RAB2B: variants seen among roughly 807,000 people sequenced by gnomAD.
RAB2B encodes the protein ras-related protein Rab-2B.
In RAB2B, 20 loss-of-function variants were observed where a neutral mutation model predicts 29.8. The ratio of observed to expected loss-of-function variants is 0.67; its 90% CI spans 0.47 to 0.97. The LOEUF (loss-of-function observed/expected upper bound fraction) is 0.97, where lower values mean the gene tolerates loss of function less well. Among genes scored for constraint, RAB2B ranks in the 50% least tolerant of loss-of-function variants. The pLI is 0.00. For synonymous variants in RAB2B, 93 were observed against 91.7 expected (o/e 1.01, Z -0.08); for missense variants, 218 against 272.0 (o/e 0.80, Z 1.40).
intron 3 of RAB2B, among the ~76,000 whole-genome samples, chr14:21,472,514 C>A (rs1383118893): frequency 6.6e-6 from 1 of 152,020 alleles, no homozygotes; most frequent in Non-Finnish European, 1.5e-5. Context: ...ACCCAAAAGG[C>A]GACAGACTAG....
chr14:21,466,353 G>A (rs1054864888), intron 5 of RAB2B, among the ~76,000 whole-genome samples: 1 of 152,162 alleles, frequency 6.6e-6, no homozygotes. Flanking sequence ...TGGGCTTGGT[G>A]GCACATGCCT....
chr14:21,461,068 A>G lies in RAB2B; in HGVS notation c.*128T>C. On this transcript the variant is annotated 3_prime_UTR_variant, in exon 8 of 8. Transcript: ENST00000397762. The stretch of plus-strand genomic sequence containing the variant: ...GGGCCCAAATTCTCTCCTGGTCTTT[A>G]GGTGGAAAGGCAAAACATCACACTT... 1 of 675,972 alleles carries G rather than the reference A, an allele frequency of 1.5e-6. No homozygotes were observed. The allele number at this position is 675,972 out of a possible 1,614,324, so 41.9% of individuals were successfully genotyped here.
At chr14:21,468,805 C>G in intron 3 of RAB2B, 53 bp from the exon 4 acceptor site, 1 of 1,281,788 alleles carries the variant, frequency 7.8e-7, no homozygotes, top group Non-Finnish European at 1.1e-6. Flanking sequence ...GTTATTTCCA[C>G]AGAACCGACT....
In RAB2B at chr14:21,459,055, A is replaced by T. The variant is rs1320019699; in HGVS notation, c.*2141T>A. ...ACATGCATATATTTAATAATGAAAC[A>T]ATTCATCAACAGCAAAAAGAAAGTA... On this transcript the variant is annotated 3_prime_UTR_variant, in exon 8 of 8. Coordinates refer to ENST00000397762, the MANE Select transcript of RAB2B (RefSeq NM_032846.4). 1 of 152,646 alleles carries T rather than the reference A, an allele frequency of 6.6e-6. No individual in the cohort carries two copies. Among genetic ancestry groups the T allele is most frequent in the Non-Finnish European group, 1.5e-5 (1 of 68,050 alleles). The allele number at this position is 152,646 out of a possible 1,614,324, so 9.5% of individuals were successfully genotyped here. A position where few individuals can be genotyped will look rare whatever the true frequency, so the allele number is the denominator to read the frequency against.
At chr14:21,471,875 C>T (rs1263123262) in intron 3 of RAB2B, among the ~76,000 whole-genome samples, 1 of 151,812 alleles carries the variant, frequency 6.6e-6, no homozygotes, top group African/African-American at 2.4e-5. Flanking sequence ...GGGGTTTCAC[C>T]ATGTTGGCCA....
chr14:21,469,537 GC>G, intron 3 of RAB2B, among the ~76,000 whole-genome samples: 1 of 152,090 alleles, frequency 6.6e-6, no homozygotes, highest in Middle Eastern at 3.4e-3. Flanking sequence ...ATTTATTAAT[GC>G]CCCCATAATA....
chr14:21,472,587 G>A (rs1890845071), intron 3 of RAB2B, among the ~76,000 whole-genome samples: 1 of 152,122 alleles, frequency 6.6e-6, no homozygotes, highest in African/African-American at 2.4e-5. Flanking sequence ...AAACCACAGT[G>A]TTCTGAAACT....
At position 21,463,769 on chromosome 14, in the gene RAB2B, T is replaced by C; in HGVS notation, c.363-2A>G. On this transcript the variant is annotated splice_acceptor_variant, in intron 5 of 7. Coordinates refer to ENST00000397762, the MANE Select transcript of RAB2B (RefSeq NM_032846.4). LOFTEE classifies it high-confidence loss of function. ...ACATCCCTGCGGGACTCTAGGTCAC[T>C]GCAAGAGATTAATTAAGGAGAAAAT... 6.4e-7 allele frequency: 1 copy of C among 1,552,630 alleles called. No homozygotes were observed. The highest frequency in any genetic ancestry group is 8.8e-7 in the Non-Finnish European group (1 of 1,137,088).
intron 3 of RAB2B, among the ~76,000 whole-genome samples, chr14:21,471,268 A>G (rs993979666): frequency 2.6e-5 from 4 of 151,812 alleles, no homozygotes; most frequent in Non-Finnish European, 5.9e-5. Context: ...GAGCAGTTCA[A>G]TTTGGTCTTG....
intron 6 of RAB2B, among the ~76,000 whole-genome samples, chr14:21,463,140 T>C (rs1044108155): frequency 6.6e-6 from 1 of 152,038 alleles, no homozygotes; most frequent in South Asian, 2.1e-4. Flanking sequence ...TGCCAACTAA[T>C]GTTACCCAAA....
At chr14:21,475,992 T>C (rs1037130725) in intron 2 of RAB2B, among the ~76,000 whole-genome samples, 3 of 152,250 alleles carry the variant, frequency 2.0e-5, no homozygotes, top group Admixed American at 1.3e-4. Context: ...CCATGCCTTA[T>C]CACAAACGTG....
At chr14:21,472,932 C>T (rs1890854361) in intron 3 of RAB2B, among the ~76,000 whole-genome samples, 1 of 152,112 alleles carries the variant, frequency 6.6e-6, no homozygotes, top group African/African-American at 2.4e-5. Context: ...AGGCTCAGGC[C>T]TGTAATCCCA....
At chr14:21,470,423 G>A (rs1213420059) in intron 3 of RAB2B, among the ~76,000 whole-genome samples, 1 of 152,062 alleles carries the variant, frequency 6.6e-6, no homozygotes, top group East Asian at 1.9e-4. Flanking sequence ...CTAAACTGGG[G>A]TTTGTAGGTG....
intron 5 of RAB2B, among the ~76,000 whole-genome samples, chr14:21,467,562 T>C (rs78462454): frequency 0.013 from 2,006 of 152,328 alleles, 35 homozygotes; most frequent in African/African-American, 0.046. Context: ...AAAAATTTAC[T>C]GATAATAACC....
intron 7 of RAB2B, 117 bp from the exon 8 acceptor site, chr14:21,461,420 G>C: frequency 1.6e-6 from 1 of 636,712 alleles, no homozygotes; most frequent in Non-Finnish European, 2.6e-6. Context: ...GGAGAAAGGA[G>C]AAATCATTAA....
chr14:21,474,719 A>G, intron 3 of RAB2B, 148 bp downstream of exon 3: 1 of 636,322 alleles, frequency 1.6e-6, no homozygotes, highest in South Asian at 2.0e-5. Context: ...TGTAACTGTA[A>G]CAGAATCAAA....
Position 21,460,235 on chromosome 14 carries a change from C to T in RAB2B, c.*961G>A. The T allele has an allele frequency of 1.9e-6, 1 of 518,858 alleles. No homozygotes were observed. The highest frequency in any genetic ancestry group is 3.8e-6 in the Non-Finnish European group (1 of 259,826). The allele number at this position is 518,858 out of a possible 1,614,324, so 32.1% of individuals were successfully genotyped here. A position where few individuals can be genotyped will look rare whatever the true frequency, so the allele number is the denominator to read the frequency against. On this transcript the variant is annotated 3_prime_UTR_variant, in exon 8 of 8. Transcript: ENST00000397762. The stretch of plus-strand genomic sequence containing the variant: ...CTAGATCTAGGTAATTGCAAGTGTT[C>T]AAATAGAATGTCTTTGACCCTAATT...
intron 2 of RAB2B, 121 bp downstream of exon 2, chr14:21,476,407 C>CT: frequency 1.0e-6 from 1 of 982,530 alleles, no homozygotes; most frequent in Non-Finnish European, 1.6e-6. Context: ...TAAGTTTGGA[C>CT]TAGTTTAAAG....
At position 21,459,489 on chromosome 14, in the gene RAB2B, C is replaced by T. The variant is rs886307423; in HGVS notation, c.*1707G>A. The stretch of plus-strand genomic sequence containing the variant: ...TGAACACATAATGAGTAGCACTAGG[C>T]ACTGTAAAGGAATGATAGGGGGAAT... On this transcript the variant is annotated 3_prime_UTR_variant, in exon 8 of 8. Coordinates refer to ENST00000397762, the MANE Select transcript of RAB2B (RefSeq NM_032846.4). 2.6e-5 allele frequency: 4 copies of T among 151,994 alleles called. No homozygotes were observed. Among genetic ancestry groups the T allele is most frequent in the African/African-American group, 9.7e-5 (4 of 41,366 alleles). 9.4% of individuals were successfully genotyped at this position (151,994 alleles called of 1,614,324 possible).
Sources: gnomAD v4.1 joint callset for allele counts (sites outside exome capture counted in the v4.1 genomes callset) on GRCh38, gnomAD v4.1.1 for gene constraint, MANE v1.5 for transcripts, NCBI Gene and HGNC (gene_info 2026-07-23, HGNC 2026-07-21) for gene names.